Variants in DMD observed in about 807,000 individuals in gnomAD.
DMD encodes the protein mutant dystrophin.
Under a neutral mutation model 330.1 loss-of-function variants are expected in DMD, and 63 were observed. That is an observed-to-expected ratio of 0.19 (90% CI 0.16 to 0.24). The LOEUF is 0.24. Among genes scored for constraint, DMD ranks in the 10% least tolerant of loss-of-function variants. DMD has a pLI of 1.00. For missense variants in DMD, 3,344 were observed against 2,684.1 expected, an observed-to-expected ratio of 1.25 and a Z score of -5.43; for synonymous variants, 1,223 against 959.8, an observed-to-expected ratio of 1.27 and a Z score of -5.07.
chrX:31,415,468 A>C (rs7886117), intron 60 of DMD, among the ~76,000 whole-genome samples: 1 of 111,036 alleles, frequency 9.0e-6, no homozygotes, highest in Non-Finnish European at 1.9e-5. Flanking sequence ...ACCTGCCATT[A>C]CTATGGAGTC....
At chrX:32,917,830 G>A (rs185409618) in intron 2 of DMD, among the ~76,000 whole-genome samples, 29 of 111,103 alleles carry the variant, frequency 2.6e-4, no homozygotes, top group Admixed American at 2.3e-3. Context: ...CACTATCGGA[G>A]ACTCCCAGTA....
chrX:32,203,398 AC>A (rs1311250949), intron 44 of DMD, among the ~76,000 whole-genome samples: 1 of 112,102 alleles, frequency 8.9e-6, no homozygotes, highest in Admixed American at 9.5e-5. Flanking sequence ...CAATGTTGAA[AC>A]TTTTGGTCTG....
At chrX:32,017,223 A>T (rs912810068) in intron 44 of DMD, among the ~76,000 whole-genome samples, 13 of 112,012 alleles carry the variant, frequency 1.2e-4, no homozygotes, top group African/African-American at 3.9e-4. Flanking sequence ...AAGTAAAGGG[A>T]AAAATACAAT....
At chrX:31,976,154 G>T (rs760218721) in intron 44 of DMD, among the ~76,000 whole-genome samples, 25 of 110,609 alleles carry the variant, frequency 2.3e-4, no homozygotes, top group African/African-American at 7.9e-4. Flanking sequence ...TGGTCGCTTG[G>T]ATTGAGGAGG....
intron 7 of DMD, among the ~76,000 whole-genome samples, chrX:32,773,898 C>T (rs1161945876): frequency 9.0e-6 from 1 of 111,355 alleles, no homozygotes; most frequent in Non-Finnish European, 1.9e-5. Flanking sequence ...ACTTTAATTC[C>T]ATTTGAATTT....
chrX:32,711,561 T>C (rs1334899885), intron 7 of DMD, among the ~76,000 whole-genome samples: 3 of 112,264 alleles, frequency 2.7e-5, no homozygotes, highest in African/African-American at 9.7e-5. Flanking sequence ...TTTGATATTT[T>C]AATTTCATAA....
At chrX:31,200,833 C>A (rs774985153) in intron 67 of DMD, among the ~76,000 whole-genome samples, 1 of 111,328 alleles carries the variant, frequency 9.0e-6, no homozygotes, top group African/African-American at 3.3e-5. Context: ...GGCCTGGAAA[C>A]AATGTAAGAA....
At chrX:31,449,685 G>A (rs1382477977) in intron 59 of DMD, among the ~76,000 whole-genome samples, 2 of 104,018 alleles carry the variant, frequency 1.9e-5, no homozygotes, top group Admixed American at 1.1e-4. Flanking sequence ...ACAAACAAGC[G>A]ACAGAGAGGG....
chrX:33,263,109 G>A (rs1266303512), intron 1 of DMD, among the ~76,000 whole-genome samples: 1 of 109,555 alleles, frequency 9.1e-6, no homozygotes, highest in East Asian at 2.8e-4. Flanking sequence ...AATCAAGTAC[G>A]GCAAAATGTT....
chrX:33,274,925 G>A (rs1312709940), intron 1 of DMD, among the ~76,000 whole-genome samples: 8 of 111,652 alleles, frequency 7.2e-5, no homozygotes, highest in Non-Finnish European at 1.5e-4. Context: ...ATCCTGGACA[G>A]CATGCTGGCC....
At chrX:32,548,958 G>A (rs1446748092) in intron 16 of DMD, among the ~76,000 whole-genome samples, 1 of 111,400 alleles carries the variant, frequency 9.0e-6, no homozygotes, top group South Asian at 3.7e-4. Context: ...TTTGTATCTA[G>A]CTAACTATAC....
At chrX:32,204,993 T>A (rs2097058051) in intron 44 of DMD, among the ~76,000 whole-genome samples, 1 of 50,053 alleles carries the variant, frequency 2.0e-5, no homozygotes, top group Non-Finnish European at 3.7e-5. Context: ...TCTCTCTCTC[T>A]CTCTCTCTCT....
Position 32,639,454 on chromosome X carries a change from A to G in DMD, c.1331+4678T>C, listed in dbSNP as rs142353641. Among the ~76,000 whole-genome samples, 352 of 112,382 alleles carry G rather than the reference A, an allele frequency of 3.1e-3. 1 individual carries two copies. The highest frequency in any genetic ancestry group is 0.011 in the African/African-American group (338 of 30,979). ...TCAATATTCTCTTGTTTTAAACACT[A>G]CATTATGAAAGGAATGGCACTTAGT... On this transcript the variant is annotated intron_variant, in intron 11 of 78. Coordinates refer to ENST00000357033, the MANE Select transcript of DMD (RefSeq NM_004006.3).
rs752509961 is a variant in DMD at position 32,697,990 on chromosome X, G to A, written c.840C>T (p.Val280=). 5.0e-6 allele frequency: 6 copies of A among 1,192,190 alleles called. No individual in the cohort carries two copies. The East Asian group carries it at 1.8e-4, about 36-fold the overall frequency. The change falls in exon 9 of 79, where the codon GTC becomes GTT. Residue 280 remains valine, a synonymous_variant. Transcript: ENST00000357033. ...HQMHYSQQIT[V]SLAQGYERTS... Reference sequence around the variant, plus strand: ...TTCTCTCATATCCCTGTGCTAGACTGACCGTGATCTGCAGAGAAGGGTTTG... The same window carrying A: ...TTCTCTCATATCCCTGTGCTAGACTAACCGTGATCTGCAGAGAAGGGTTTG...
chrX:31,154,158 T>C (rs1312703258), intron 74 of DMD, among the ~76,000 whole-genome samples: 1 of 112,241 alleles, frequency 8.9e-6, no homozygotes, highest in Non-Finnish European at 1.9e-5. Flanking sequence ...AAAACATCTA[T>C]GCCAATACTT....
chrX:32,779,383 T>A (rs923527389), intron 7 of DMD, among the ~76,000 whole-genome samples: 1 of 110,917 alleles, frequency 9.0e-6, no homozygotes, highest in Non-Finnish European at 1.9e-5. Flanking sequence ...AGCTGCAAAT[T>A]AGTCTTTTGT....
At chrX:31,243,611 A>T (rs1385315429) in intron 63 of DMD, among the ~76,000 whole-genome samples, 9 of 113,005 alleles carry the variant, frequency 8.0e-5, no homozygotes, top group Admixed American at 4.7e-4. Context: ...AAAAATACAC[A>T]AATATTAACA....
intron 41 of DMD, among the ~76,000 whole-genome samples, chrX:32,312,858 T>A (rs779675926): frequency 1.1e-5 from 1 of 94,958 alleles, no homozygotes; most frequent in East Asian, 3.3e-4. Flanking sequence ...ACATACACCC[T>A]CCCAAGACTA....
In DMD at chrX:33,033,554, C is replaced by CAAAAAA. The variant is rs775790760; in HGVS notation, c.32-13360_32-13355dup. On this transcript the variant is annotated intron_variant, in intron 1 of 78. Transcript: ENST00000357033. ...TGAAACCCCGTCTCTACTAAAAATACAAAAAAAAAAAAAAACTAGCCGGGC... is the reference window on the plus strand; with the variant it reads ...TGAAACCCCGTCTCTACTAAAAATACAAAAAAAAAAAAAAAAAAAAACTAGCCGGGC... 3.5e-4 allele frequency among the ~76,000 whole-genome samples: 26 copies of CAAAAAA among 74,515 alleles called. 1 individual carries two copies. Among genetic ancestry groups the CAAAAAA allele is most frequent in the African/African-American group, 1.4e-3 (25 of 17,809 alleles). The allele number at this position is 74,515 out of a possible 115,157, so 64.7% of individuals were successfully genotyped here. A position where few individuals can be genotyped will look rare whatever the true frequency, so the allele number is the denominator to read the frequency against.
Sources: allele counts gnomAD v4.1 joint callset (sites outside exome capture counted in the v4.1 genomes callset), GRCh38; gene constraint gnomAD v4.1.1; transcripts MANE v1.5; gene names NCBI Gene and HGNC (gene_info 2026-07-23, HGNC 2026-07-21).